Variants in STPG2 observed in about 807,000 individuals in gnomAD.
The protein encoded by STPG2 is sperm-tail PG-rich repeat-containing protein 2.
Under a neutral mutation model 54.2 loss-of-function variants are expected in STPG2, and 56 were observed. The observed-to-expected ratio is 1.03, with a 90% CI of 0.83 to 1.29. STPG2 has a LOEUF of 1.29. STPG2 is among the 50% of genes most tolerant of loss of function. STPG2 has a pLI of 0.00. For missense variants in STPG2, 596 were observed against 544.9 expected, an observed-to-expected ratio of 1.09 and a Z score of -0.93; for synonymous variants, 200 against 181.8, an observed-to-expected ratio of 1.10 and a Z score of -0.81.
chr4:98,116,569 C>A (rs919800262), intron 3 of STPG2, among the ~76,000 whole-genome samples: 1 of 151,832 alleles, frequency 6.6e-6, no homozygotes, highest in Admixed American at 6.6e-5. Context: ...ATCATAAGAC[C>A]ATTTCACTGG....
intron 7 of STPG2, among the ~76,000 whole-genome samples, chr4:97,944,478 C>T (rs989509648): frequency 4.6e-5 from 7 of 151,808 alleles, no homozygotes; most frequent in Non-Finnish European, 1.0e-4. Context: ...TCTTTATATG[C>T]ATTGAAGATT....
intron 5 of STPG2, among the ~76,000 whole-genome samples, chr4:98,093,385 T>C (rs952253508): frequency 4.6e-5 from 7 of 152,194 alleles, no homozygotes; most frequent in Admixed American, 6.6e-5. Flanking sequence ...ACAGTTATGA[T>C]TTAAAAAACT....
chr4:97,613,298 T>C (rs761152347), intron 10 of STPG2, among the ~76,000 whole-genome samples: 6 of 152,208 alleles, frequency 3.9e-5, no homozygotes, highest in Non-Finnish European at 8.8e-5. Flanking sequence ...GTCAGGTGTT[T>C]TGCAGAATGT....
intron 9 of STPG2, among the ~76,000 whole-genome samples, chr4:97,740,166 C>G (rs1003000088): frequency 6.6e-6 from 1 of 152,168 alleles, no homozygotes; most frequent in Admixed American, 6.5e-5. Context: ...TTCAACAACG[C>G]TTCATGCTAA....
At chr4:97,575,208 A>T (rs1732694486) in intron 10 of STPG2, among the ~76,000 whole-genome samples, 1 of 152,112 alleles carries the variant, frequency 6.6e-6, no homozygotes, top group South Asian at 2.1e-4. Flanking sequence ...TCTCCCAGAC[A>T]TACAAAGAAG....
intron 5 of STPG2, among the ~76,000 whole-genome samples, chr4:97,981,965 A>G (rs1734695508): frequency 6.6e-6 from 1 of 151,052 alleles, no homozygotes; most frequent in African/African-American, 2.4e-5. Context: ...GCTCACTGCA[A>G]GCTCCACCTC....
At chr4:97,856,143 T>C (rs1157419313) in intron 8 of STPG2, among the ~76,000 whole-genome samples, 1 of 152,178 alleles carries the variant, frequency 6.6e-6, no homozygotes, top group Non-Finnish European at 1.5e-5. Flanking sequence ...TTTTCTTGGC[T>C]ATTTGACCTC....
chr4:97,595,335 C>A (rs1417391434), intron 10 of STPG2, among the ~76,000 whole-genome samples: 1 of 147,706 alleles, frequency 6.8e-6, no homozygotes, highest in Non-Finnish European at 1.5e-5. Context: ...TCATTCTCAG[C>A]GAACTATCGC....
At chr4:98,018,994 T>C (rs1045214892) in intron 5 of STPG2, among the ~76,000 whole-genome samples, 2 of 151,918 alleles carry the variant, frequency 1.3e-5, no homozygotes, top group African/African-American at 4.8e-5. Flanking sequence ...TGGTAGTTTC[T>C]TTTGCTGTGC....
At chr4:97,493,300 T>G (rs1730541030) in intron 4 of STPG2, among the ~76,000 whole-genome samples, 1 of 151,388 alleles carries the variant, frequency 6.6e-6, no homozygotes, top group Non-Finnish European at 1.5e-5. Context: ...AACTGGTTAT[T>G]GTTATTGTTT....
Position 97,820,446 on chromosome 4 carries a change from T to C in STPG2, c.1204+20327A>G, listed in dbSNP as rs1025394625. Reference sequence around the variant, plus strand: ...GTGATTAAGTTCAGTGAGGAAAGCATGTTGAAAGCAAAAACGACAGTAGCT... The same window carrying C: ...GTGATTAAGTTCAGTGAGGAAAGCACGTTGAAAGCAAAAACGACAGTAGCT... On this transcript the variant is annotated intron_variant, in intron 9 of 10. Transcript: ENST00000295268. Among the ~76,000 whole-genome samples, 4 of 152,264 alleles carry C rather than the reference T, an allele frequency of 2.6e-5. No homozygotes were observed. The East Asian group carries it at 5.8e-4, about 22-fold the overall frequency.
At chr4:98,004,028 C>A (rs1389231144) in intron 5 of STPG2, among the ~76,000 whole-genome samples, 1 of 122,092 alleles carries the variant, frequency 8.2e-6, no homozygotes, top group African/African-American at 2.7e-5. Context: ...GTGGTGAGAA[C>A]AATTAAGAGC....
At chr4:97,674,896 G>T (rs1473377783) in intron 10 of STPG2, among the ~76,000 whole-genome samples, 1 of 152,122 alleles carries the variant, frequency 6.6e-6, no homozygotes, top group African/African-American at 2.4e-5. Flanking sequence ...GAAATCTTTA[G>T]TTCTACCCTC....
intron 10 of STPG2, among the ~76,000 whole-genome samples, chr4:97,680,381 T>C (rs1722995381): frequency 6.6e-6 from 1 of 152,070 alleles, no homozygotes; most frequent in African/African-American, 2.4e-5. Context: ...TTTATTCTCG[T>C]TGAAGCAATT....
intron 9 of STPG2, among the ~76,000 whole-genome samples, chr4:97,743,171 G>A (rs1420660303): frequency 6.6e-6 from 1 of 151,740 alleles, no homozygotes; most frequent in Non-Finnish European, 1.5e-5. Context: ...ATCACAGAGT[G>A]TCAAGAGCGA....
At chr4:97,551,118 G>T (rs2148867643) in intron 4 of STPG2, among the ~76,000 whole-genome samples, 1 of 152,134 alleles carries the variant, frequency 6.6e-6, no homozygotes, top group Non-Finnish European at 1.5e-5. Flanking sequence ...GTGCTGATTG[G>T]TCCGTTTTTA....
intron 10 of STPG2, among the ~76,000 whole-genome samples, chr4:97,646,741 A>T (rs536089044): frequency 4.3e-4 from 65 of 152,280 alleles, no homozygotes; most frequent in African/African-American, 1.5e-3. Context: ...TATACATTAT[A>T]GTGTAAGTTA....
chr4:97,629,125 T>TA (rs953991290), intron 10 of STPG2, among the ~76,000 whole-genome samples: 2 of 151,490 alleles, frequency 1.3e-5, no homozygotes, highest in Admixed American at 6.6e-5. Context: ...TGCAAAGATA[T>TA]AAAAAAAATT....
intron 10 of STPG2, among the ~76,000 whole-genome samples, chr4:97,610,879 A>G (rs1380918415): frequency 6.6e-6 from 1 of 152,096 alleles, no homozygotes; most frequent in East Asian, 1.9e-4. Context: ...TTGTGAGAAT[A>G]AAAATATTCT....
Sources: allele counts gnomAD v4.1 joint callset (sites outside exome capture counted in the v4.1 genomes callset), GRCh38; gene constraint gnomAD v4.1.1; transcripts MANE v1.5; gene names NCBI Gene and HGNC (gene_info 2026-07-23, HGNC 2026-07-21).